The following TNFRSF11B variants were observed in gnomAD, a reference collection of about 807,000 sequenced individuals.
The protein encoded by TNFRSF11B is TNF receptor superfamily member 11b.
Under a neutral mutation model 43.4 loss-of-function variants are expected in TNFRSF11B, and 16 were observed. The observed-to-expected ratio is 0.37, with a 90% CI of 0.25 to 0.56. The LOEUF (loss-of-function observed/expected upper bound fraction) is 0.56. Ranked by LOEUF, TNFRSF11B falls within the 20% of genes least tolerant of loss-of-function variation. The probability of loss-of-function intolerance (pLI) is 0.80; values close to 1 mark genes in which losing one functional copy is unlikely to be tolerated. For synonymous variants in TNFRSF11B, 185 were observed against 181.8 expected (o/e 1.02, Z -0.14); for missense variants, 444 against 490.1 (o/e 0.91, Z 0.89).
intron 1 of TNFRSF11B, among the ~76,000 whole-genome samples, chr8:118,934,681 AG>A (rs1812377574): frequency 6.6e-6 from 1 of 152,138 alleles, no homozygotes; most frequent in Non-Finnish European, 1.5e-5. Context: ...TTTTGTGTGT[AG>A]GGGGTGGTTT....
At position 118,924,604 on chromosome 8, in the gene TNFRSF11B, G is replaced by T; in HGVS notation, c.976C>A (p.Leu326Met). The T allele has an allele frequency of 6.2e-7, 1 of 1,614,124 alleles. No individual in the cohort carries two copies. Among genetic ancestry groups the T allele is most frequent in the Non-Finnish European group, 8.5e-7 (1 of 1,180,018 alleles). The change falls in exon 5 of 5, where the codon CTG becomes ATG. Residue 326 changes from leucine (L) to methionine (M), a missense_variant. Coordinates refer to ENST00000297350, the MANE Select transcript of TNFRSF11B (RefSeq NM_002546.4). The part of the protein sequence containing the change: ...IKACKPSDQI[L>M]KLLSLWRIKN... ...ATTCGCCACAAACTGAGCAGCTTCA[G>T]GATCTGGTCACTGGGTTTGCATGCC...
At chr8:118,950,246 A>G (rs1812621185) in intron 1 of TNFRSF11B, among the ~76,000 whole-genome samples, 1 of 152,232 alleles carries the variant, frequency 6.6e-6, no homozygotes, top group East Asian at 1.9e-4. Context: ...CCCCATATTA[A>G]CGGCAGCATT....
intron 2 of TNFRSF11B, among the ~76,000 whole-genome samples, chr8:118,930,061 G>A (rs1167716415): frequency 6.6e-6 from 1 of 152,042 alleles, no homozygotes; most frequent in East Asian, 1.9e-4. Context: ...AATGACAAAG[G>A]GCTGGCAGAA....
At position 118,924,554 on chromosome 8, in the gene TNFRSF11B, C is replaced by G. The variant is rs754991346; in HGVS notation, c.1026G>C (p.Leu342Phe). The change falls in exon 5 of 5, where the codon TTG becomes TTC. Residue 342 changes from leucine to phenylalanine, a missense_variant. By Grantham distance (22) the Leu-to-Phe change is conservative. Coordinates refer to ENST00000297350, the MANE Select transcript of TNFRSF11B (RefSeq NM_002546.4). Reference protein sequence around the residue: ...WRIKNGDQDTLKGLMHALKHS... With the variant: ...WRIKNGDQDTFKGLMHALKHS... The stretch of plus-strand genomic sequence containing the variant: ...GCTTTAGTGCGTGCATTAGGCCCTT[C>G]AAGGTGTCTTGGTCGCCATTTTTTA... The G allele has an allele frequency of 2.8e-5, 45 of 1,614,180 alleles. No homozygotes were observed. Among genetic ancestry groups the G allele is most frequent in the Non-Finnish European group, 3.7e-5 (44 of 1,180,044 alleles).
chr8:118,931,135 G>A (rs921047772), intron 2 of TNFRSF11B, among the ~76,000 whole-genome samples: 1 of 152,198 alleles, frequency 6.6e-6, no homozygotes, highest in Non-Finnish European at 1.5e-5. Flanking sequence ...ATAAAATATG[G>A]AGAGGAGACA....
chr8:118,942,957 C>G (rs1029420940), intron 1 of TNFRSF11B, among the ~76,000 whole-genome samples: 2 of 152,082 alleles, frequency 1.3e-5, no homozygotes, highest in African/African-American at 2.4e-5. Flanking sequence ...ATCCGTCTGT[C>G]CACCTACCCA....
In TNFRSF11B at chr8:118,925,185, C is replaced by A. The variant is rs763814665; in HGVS notation, c.818-423G>T. Among the ~76,000 whole-genome samples the A allele has an allele frequency of 3.7e-4, 56 of 152,280 alleles. No individual in the cohort carries two copies. The Middle Eastern group carries it at 0.017, about 46-fold the overall frequency. On this transcript the variant is annotated intron_variant, in intron 4 of 4. Coordinates refer to ENST00000297350, the MANE Select transcript of TNFRSF11B (RefSeq NM_002546.4). ...TGATAAGTTAATTGCCGTAACTAGCCTTTAAAGAATACACATAGCACCAGA... is the reference window on the plus strand; with the variant it reads ...TGATAAGTTAATTGCCGTAACTAGCATTTAAAGAATACACATAGCACCAGA...
At chr8:118,931,598 C>CAAT (rs2129893487) in intron 2 of TNFRSF11B, among the ~76,000 whole-genome samples, 1 of 152,194 alleles carries the variant, frequency 6.6e-6, no homozygotes, top group African/African-American at 2.4e-5. Flanking sequence ...AAGTACCATC[C>CAAT]AATAGAAAGT....
chr8:118,948,604 G>A (rs1006923536), intron 1 of TNFRSF11B, among the ~76,000 whole-genome samples: 3 of 76,740 alleles, frequency 3.9e-5, no homozygotes, highest in Non-Finnish European at 6.5e-5. Context: ...TGTAGTTTCA[G>A]CTTAAGTAAA....
In TNFRSF11B at chr8:118,924,732, C is replaced by T. The variant is rs781740245; in HGVS notation, c.848G>A (p.Arg283Gln). Residue 283 changes from arginine (R) to glutamine (Q), a missense_variant, in exon 5 of 5, where the codon CGG (arginine) becomes CAG (glutamine). Arg to Gln is a conservative substitution (Grantham distance 43, BLOSUM62 1). Coordinates refer to ENST00000297350, the MANE Select transcript of TNFRSF11B (RefSeq NM_002546.4). ...GGTGAGGTTAGCATGTCCAATGTGC[C>T]GCTGCACGCTGTTTTCACAGAGGTC... ...DIDLCENSVQ[R>Q]HIGHANLTFE... is the part of the protein sequence containing the mutation. 6 of 1,614,150 alleles carry T rather than the reference C, an allele frequency of 3.7e-6. No individual in the cohort carries two copies. Among genetic ancestry groups the T allele is most frequent in the East Asian group, 2.2e-5 (1 of 44,886 alleles).
At chr8:118,947,384 T>C (rs11573829) in intron 1 of TNFRSF11B, among the ~76,000 whole-genome samples, 101,704 of 152,048 alleles carry the variant, frequency 0.67, 36,051 homozygotes, top group African/African-American at 0.92. Flanking sequence ...ATTATGGAGA[T>C]CTTGGGGCTA....
intron 3 of TNFRSF11B, among the ~76,000 whole-genome samples, chr8:118,927,223 C>T (rs6469784): frequency 0.14 from 20,871 of 152,090 alleles, 1,545 homozygotes; most frequent in African/African-American, 0.19. Context: ...GTAGACATTA[C>T]ATAGGAAAAT....
At chr8:118,934,376 C>T (rs1379130912) in intron 1 of TNFRSF11B, among the ~76,000 whole-genome samples, 1 of 152,192 alleles carries the variant, frequency 6.6e-6, no homozygotes, top group Admixed American at 6.5e-5. Flanking sequence ...TCTTGACTCT[C>T]ATAGGTGAAT....
intron 1 of TNFRSF11B, among the ~76,000 whole-genome samples, chr8:118,944,035 C>G (rs1812525784): frequency 6.6e-6 from 1 of 152,114 alleles, no homozygotes; most frequent in Non-Finnish European, 1.5e-5. Flanking sequence ...AATCTAAAAT[C>G]ACAGATTTAG....
chr8:118,924,558 G>A lies in TNFRSF11B; in HGVS notation c.1022C>T (p.Thr341Ile), dbSNP rs779145957. 6.2e-7 allele frequency: 1 copy of A among 1,614,196 alleles called. No individual in the cohort carries two copies. Among genetic ancestry groups the A allele is most frequent in the South Asian group, 1.1e-5 (1 of 91,084 alleles). The change falls in exon 5 of 5, where the codon ACC becomes ATC. Residue 341 changes from threonine to isoleucine, a missense_variant. Physicochemically the swap from Thr to Ile is moderately conservative, Grantham distance 89. Coordinates refer to ENST00000297350, the MANE Select transcript of TNFRSF11B (RefSeq NM_002546.4). ...TAGTGCGTGCATTAGGCCCTTCAAG[G>A]TGTCTTGGTCGCCATTTTTTATTCG... ...LWRIKNGDQD[T>I]LKGLMHALKH...
chr8:118,930,565 C>T (rs888276088), intron 2 of TNFRSF11B: 7 of 270,960 alleles, frequency 2.6e-5, no homozygotes, highest in African/African-American at 1.1e-4. Flanking sequence ...GCATGCACCA[C>T]CATGCCCTGC....
intron 1 of TNFRSF11B, among the ~76,000 whole-genome samples, chr8:118,941,620 A>G (rs935465214): frequency 6.6e-6 from 1 of 152,196 alleles, no homozygotes; most frequent in African/African-American, 2.4e-5. Context: ...TGTGTTTGGA[A>G]TCAATCATAA....
chr8:118,928,849 T>C lies in TNFRSF11B; in HGVS notation c.481A>G (p.Arg161Gly). ...SNETSSKAPCRKHTNCSVFGL... is the reference protein window; with the variant it reads ...SNETSSKAPCGKHTNCSVFGL... ...AAGACACTGCAATTTGTGTGTTTTC[T>C]ACAGGGTGCTTTAGATGACGTCTCA... Residue 161 changes from arginine to glycine, a missense_variant, in exon 3 of 5, where the codon AGA becomes GGA. Arg to Gly is a moderately radical substitution (Grantham distance 125, BLOSUM62 -2). Transcript: ENST00000297350. 1 of 1,614,250 alleles carries C rather than the reference T, an allele frequency of 6.2e-7. No homozygotes were observed. Among genetic ancestry groups the C allele is most frequent in the Non-Finnish European group, 8.5e-7 (1 of 1,180,046 alleles).
chr8:118,941,113 A>C (rs1257189535), intron 1 of TNFRSF11B, among the ~76,000 whole-genome samples: 1 of 152,220 alleles, frequency 6.6e-6, no homozygotes, highest in Non-Finnish European at 1.5e-5. Context: ...GTGATGACCG[A>C]ATTTGCCTAA....
Sources: allele counts gnomAD v4.1 joint callset (sites outside exome capture counted in the v4.1 genomes callset), GRCh38; gene constraint gnomAD v4.1.1; transcripts MANE v1.5; gene names NCBI Gene and HGNC (gene_info 2026-07-23, HGNC 2026-07-21).